TNRC18: variants seen among roughly 807,000 people sequenced by gnomAD.
TNRC18 encodes trinucleotide repeat containing 18, also known as trinucleotide repeat-containing gene 18 protein.
TNRC18 carries 69 observed loss-of-function variants against 226.7 expected under a neutral mutation model. The observed-to-expected ratio is 0.30, with a 90% confidence interval of 0.25 to 0.37. The LOEUF (loss-of-function observed/expected upper bound fraction) is 0.37. TNRC18 is among the 10% of genes least tolerant of loss of function. The pLI, the probability that TNRC18 is intolerant of heterozygous loss-of-function variation, is 1.00. For synonymous variants in TNRC18, 2,449 were observed against 1,927.6 expected (o/e 1.27, Z -7.09); for missense variants, 4,754 against 4,256.6 (o/e 1.12, Z -3.25).
intron 27 of TNRC18, among the ~76,000 whole-genome samples, chr7:5,311,702 C>A (rs1172272208): frequency 6.6e-6 from 1 of 152,074 alleles, no homozygotes; most frequent in African/African-American, 2.4e-5. Context: ...TCTGTAATCC[C>A]AGCTACTCAG....
intron 5 of TNRC18, among the ~76,000 whole-genome samples, chr7:5,382,516 T>C (rs1280357555): frequency 6.6e-6 from 1 of 152,080 alleles, no homozygotes; most frequent in African/African-American, 2.4e-5. Context: ...CAGTTCCAGA[T>C]AGGGTTGCTC....
Position 5,370,752 on chromosome 7 carries a change from T to C in TNRC18, c.3842A>G (p.Gln1281Arg). ...VEAVPEEGLA[Q>R]VAPSESQPTL... is the part of the protein sequence containing the mutation. ...GGGCTGGGACTCGCTCGGTGCCACC[T>C]GCGCCAGGCCTTCCTCGGGCACTGC... The change falls in exon 11 of 30, where the codon CAG becomes CGG. Residue 1281 changes from glutamine (Q) to arginine (R), a missense_variant. By Grantham distance (43) the Gln-to-Arg change is conservative. Coordinates refer to ENST00000430969, the MANE Select transcript of TNRC18 (RefSeq NM_001080495.3). 14 of 1,604,578 alleles carry C rather than the reference T, an allele frequency of 8.7e-6. No individual in the cohort carries two copies. The highest frequency in any genetic ancestry group is 1.2e-5 in the Non-Finnish European group (14 of 1,176,322).
chr7:5,403,073 CCAGA>C (rs753226341), intron 2 of TNRC18, among the ~76,000 whole-genome samples: 2 of 152,208 alleles, frequency 1.3e-5, no homozygotes, highest in Middle Eastern at 3.4e-3. Flanking sequence ...GCCGCACCAC[CCAGA>C]CAAAGCAGAA....
In TNRC18 at chr7:5,307,480, G is replaced by GTGCCGGGCCCTCTCCACCTGGTGCC. The variant is rs1334774091; in HGVS notation, c.*601_*625dup. Reference sequence around the variant, plus strand: ...TGAGGGTTTGGACCAGGGTGGGCCTGTGCCGGGCCCTCTCCACCTGGTGCC... The same window carrying GTGCCGGGCCCTCTCCACCTGGTGCC: ...TGAGGGTTTGGACCAGGGTGGGCCTGTGCCGGGCCCTCTCCACCTGGTGCCTGCCGGGCCCTCTCCACCTGGTGCC... On this transcript the variant is annotated 3_prime_UTR_variant, in exon 30 of 30. Transcript: ENST00000430969. 3 of 439,584 alleles carry GTGCCGGGCCCTCTCCACCTGGTGCC rather than the reference G, an allele frequency of 6.8e-6. No homozygotes were observed. The highest frequency in any genetic ancestry group is 6.1e-5 in the African/African-American group (3 of 49,438). The allele number at this position is 439,584 out of a possible 1,614,324, so 27.2% of individuals were successfully genotyped here. A position where few individuals can be genotyped will look rare whatever the true frequency, so the allele number is the denominator to read the frequency against.
chr7:5,334,997 A>C (rs1047784909), intron 18 of TNRC18, among the ~76,000 whole-genome samples: 5 of 152,124 alleles, frequency 3.3e-5, no homozygotes, highest in African/African-American at 1.2e-4. Flanking sequence ...GGCAACACAG[A>C]AGAGAATAGA....
At position 5,362,730 on chromosome 7, in the gene TNRC18, C is replaced by T. The variant is rs1163660285; in HGVS notation, c.4315G>A (p.Asp1439Asn). The T allele has an allele frequency of 6.4e-7, 1 of 1,574,406 alleles. No homozygotes were observed. Among genetic ancestry groups the T allele is most frequent in the Admixed American group, 1.9e-5 (1 of 53,926 alleles). The change falls in exon 12 of 30, where the codon GAC becomes AAC. Residue 1439 changes from aspartate (D) to asparagine (N), a missense_variant. Transcript: ENST00000430969. ...GGGAGCCGCAGGTTCTTGAGTGGGT[C>T]CACCACGGGCCCATCCAGCACCTCC... ...LREVLDGPVV[D>N]PLKNLRLPRE...
chr7:5,313,871 A>G lies in TNRC18; in HGVS notation c.7028-8T>C. 1.4e-6 allele frequency: 2 copies of G among 1,453,594 alleles called. No individual in the cohort carries two copies. Among genetic ancestry groups the G allele is most frequent in the Middle Eastern group, 2.0e-4 (1 of 5,042 alleles). 90.0% of individuals were successfully genotyped at this position (1,453,594 alleles called of 1,614,324 possible). ...CCAGGGTAGCGGCTCTGTCTGCAAAACAAAACAGATGAGAAGCTGGGGCGG... is the reference window on the plus strand; with the variant it reads ...CCAGGGTAGCGGCTCTGTCTGCAAAGCAAAACAGATGAGAAGCTGGGGCGG... On this transcript the variant is annotated splice_region_variant and splice_polypyrimidine_tract_variant and intron_variant, in intron 26 of 29. Transcript: ENST00000430969.
intron 19 of TNRC18, among the ~76,000 whole-genome samples, chr7:5,330,712 C>T (rs1452470081): frequency 3.3e-5 from 5 of 152,000 alleles, no homozygotes; most frequent in East Asian, 1.9e-4. Context: ...CTCACTCTGT[C>T]GCCCAGGCTG....
At position 5,369,309 on chromosome 7, in the gene TNRC18, AC is replaced by A. The variant is rs562904755; in HGVS notation, c.4219+1065del. ...GGCTGCAGTGAGCCGAGATGACACC[AC>A]TGCACACCAGCCTGGGTGATAGAGG... On this transcript the variant is annotated intron_variant, in intron 11 of 29. Coordinates refer to ENST00000430969, the MANE Select transcript of TNRC18 (RefSeq NM_001080495.3). 2.5e-3 allele frequency among the ~76,000 whole-genome samples: 387 copies of A among 152,312 alleles called. 5 individuals are homozygous for A. The highest frequency in any genetic ancestry group is 1.3e-3 in the East Asian group (7 of 5,186).
intron 1 of TNRC18, chr7:5,423,085 C>G (rs569036671): frequency 6.6e-6 from 1 of 152,132 alleles, no homozygotes; most frequent in South Asian, 2.1e-4. Context: ...GTTAAAATGG[C>G]TGAATTCCGG....
intron 14 of TNRC18, 59 bp from the exon 15 acceptor site, chr7:5,359,628 G>C (rs530942894): frequency 1.7e-5 from 27 of 1,603,214 alleles, no homozygotes; most frequent in Non-Finnish European, 2.3e-5. Context: ...GCAGGCTGAG[G>C]TCCACCCTCA....
rs1023463393 is a variant in TNRC18, at chr7:5,399,896, G to A, written c.188-5301C>T. On this transcript the variant is annotated intron_variant, in intron 2 of 29. Coordinates refer to ENST00000430969, the MANE Select transcript of TNRC18 (RefSeq NM_001080495.3). ...GTCTCTACTATAAATACAAAAATTA[G>A]CTGGGCGTGGTGGCAGGCGCCTATA... is the stretch of plus-strand genomic sequence containing the variant. Among the ~76,000 whole-genome samples the A allele has an allele frequency of 5.5e-5, 8 of 144,908 alleles. No individual in the cohort carries two copies. The East Asian group carries it at 1.7e-3, about 31-fold the overall frequency.
In TNRC18 at chr7:5,376,824, G is replaced by A. The variant is rs190931904; in HGVS notation, c.2608+23C>T. The A allele has an allele frequency of 2.8e-3, 4,494 of 1,605,606 alleles. 14 individuals are homozygous for A. Among genetic ancestry groups the A allele is most frequent in the Middle Eastern group, 4.0e-3 (24 of 6,052 alleles). Reference sequence around the variant, plus strand: ...GGGCATGGCCAGTCTGGCCCATGGTGGCCACATAGAAGGTCCACTTACCAA... The same window carrying A: ...GGGCATGGCCAGTCTGGCCCATGGTAGCCACATAGAAGGTCCACTTACCAA... On this transcript the variant is annotated intron_variant, in intron 8 of 29. Transcript: ENST00000430969.
At position 5,376,037 on chromosome 7, in the gene TNRC18, G is replaced by A. The variant is rs781618026; in HGVS notation, c.2796C>T (p.Leu932=). The A allele has an allele frequency of 1.1e-4, 168 of 1,591,574 alleles. No individual in the cohort carries two copies. The highest frequency in any genetic ancestry group is 2.0e-4 in the African/African-American group (15 of 74,454). ...QALELQRSAQ[L]VQERLKAQEH... ...CGCCTCATCCTCCCCGACTTACCAC[G>A]AGCTGGGCGCTCCTCTGCAGTTCCA... Residue 932 remains leucine (L), a synonymous_variant, in exon 9 of 30, where the codon CTC becomes CTT. Coordinates refer to ENST00000430969, the MANE Select transcript of TNRC18 (RefSeq NM_001080495.3).
At chr7:5,395,508 G>A (rs142638350) in intron 2 of TNRC18, among the ~76,000 whole-genome samples, 2,007 of 152,310 alleles carry the variant, frequency 0.013, 21 homozygotes, top group Non-Finnish European at 0.02. Context: ...TCTGTCCCAC[G>A]AGCCCCAAAC....
At position 5,345,599 on chromosome 7, in the gene TNRC18, C is replaced by G. The variant is rs540083693; in HGVS notation, c.5682G>C (p.Gln1894His). ...SLSVVQLEAK[Q>H]KARKKEERQS... ...GCCGCTCCTCTTTCTTCCGGGCCTTCTGCTTGGCCTCCAGCTGTACCACAG... is the reference window on the plus strand; with the variant it reads ...GCCGCTCCTCTTTCTTCCGGGCCTTGTGCTTGGCCTCCAGCTGTACCACAG... Residue 1894 changes from glutamine to histidine, a missense_variant, in exon 18 of 30, where the codon CAG becomes CAC. Physicochemically the swap from Gln to His is conservative, Grantham distance 24. Transcript: ENST00000430969. The G allele has an allele frequency of 2.1e-5, 31 of 1,483,032 alleles. No individual in the cohort carries two copies. The highest frequency in any genetic ancestry group is 6.1e-5 in the Admixed American group (3 of 49,572). 91.9% of individuals were successfully genotyped at this position (1,483,032 alleles called of 1,614,324 possible). A position where few individuals can be genotyped will look rare whatever the true frequency, so the allele number is the denominator to read the frequency against.
intron 21 of TNRC18, 74 bp from the exon 22 acceptor site, chr7:5,321,264 C>T: frequency 9.0e-7 from 1 of 1,106,182 alleles, no homozygotes; most frequent in Non-Finnish European, 1.3e-6. Flanking sequence ...CCCGTTACCC[C>T]CAAGTCATCC....
At chr7:5,346,997 G>C (rs1403454917) in intron 17 of TNRC18, among the ~76,000 whole-genome samples, 1 of 151,994 alleles carries the variant, frequency 6.6e-6, no homozygotes, top group African/African-American at 2.4e-5. Context: ...ATGGGGTTAA[G>C]CACTCGGGCA....
intron 12 of TNRC18, 116 bp from the exon 13 acceptor site, chr7:5,362,149 G>A (rs576458897): frequency 2.4e-4 from 302 of 1,274,560 alleles, no homozygotes; most frequent in African/African-American, 5.8e-4. Flanking sequence ...GCTGGGGCTC[G>A]AGTCCCACCG....
Sources: gnomAD v4.1 joint callset for allele counts (sites outside exome capture counted in the v4.1 genomes callset) on GRCh38, gnomAD v4.1.1 for gene constraint, MANE v1.5 for transcripts, NCBI Gene and HGNC (gene_info 2026-07-23, HGNC 2026-07-21) for gene names.